STRN3: variants seen among roughly 807,000 people sequenced by gnomAD.
The protein encoded by STRN3 is striatin-3.
STRN3 carries 29 observed loss-of-function variants against 95.6 expected under a neutral mutation model. The ratio of observed to expected loss-of-function variants is 0.30; its 90% CI spans 0.23 to 0.41. The LOEUF is 0.41. STRN3 is among the 10% of genes least tolerant of loss of function. The pLI is 1.00. For missense variants in STRN3, 890 were observed against 972.1 expected, an observed-to-expected ratio of 0.92 and a Z score of 1.12; for synonymous variants, 331 against 357.6, an observed-to-expected ratio of 0.93 and a Z score of 0.84.
intron 16 of STRN3, 103 bp from the exon 17 acceptor site, chr14:30,895,851 C>T: frequency 1.0e-6 from 1 of 968,144 alleles, no homozygotes; most frequent in Admixed American, 2.9e-5. Flanking sequence ...ATTATAGCAA[C>T]TTTTTTATTG....
At chr14:31,014,617 C>A (rs1282304175) in intron 1 of STRN3, 13 of 435,798 alleles carry the variant, frequency 3.0e-5, no homozygotes, top group Non-Finnish European at 5.5e-5. Context: ...TGCTTTAATT[C>A]TAGTCTTTTA....
chr14:30,962,589 A>C (rs2139166266), intron 1 of STRN3, among the ~76,000 whole-genome samples: 1 of 152,328 alleles, frequency 6.6e-6, no homozygotes, highest in African/African-American at 2.4e-5. Flanking sequence ...GCCACAGTGC[A>C]GTGGCACGAT....
At chr14:31,019,328 T>C (rs546258848) in intron 1 of STRN3, among the ~76,000 whole-genome samples, 13 of 152,094 alleles carry the variant, frequency 8.5e-5, no homozygotes, top group Non-Finnish European at 4.4e-5. Flanking sequence ...AATAAAATAA[T>C]AGAAAATAAT....
intron 6 of STRN3, 109 bp from the exon 7 acceptor site, chr14:30,935,413 CA>C: frequency 3.9e-6 from 5 of 1,273,248 alleles, no homozygotes; most frequent in Non-Finnish European, 2.1e-6. Context: ...TTACTTGGAT[CA>C]AAAATTTTAG....
intron 1 of STRN3, among the ~76,000 whole-genome samples, chr14:30,956,538 T>C (rs1045510764): frequency 2.6e-5 from 4 of 152,134 alleles, no homozygotes; most frequent in African/African-American, 9.7e-5. Flanking sequence ...CCCATAGTCC[T>C]AGCTACTCGA....
At chr14:31,007,270 G>A (rs1882761838) in intron 1 of STRN3, among the ~76,000 whole-genome samples, 1 of 152,150 alleles carries the variant, frequency 6.6e-6, no homozygotes, top group African/African-American at 2.4e-5. Context: ...GCAAGAGAAT[G>A]GATATCTCTA....
At chr14:30,907,963 A>G (rs1352036112) in intron 13 of STRN3, among the ~76,000 whole-genome samples, 1 of 152,182 alleles carries the variant, frequency 6.6e-6, no homozygotes, top group Non-Finnish European at 1.5e-5. Context: ...ACTATGCCTC[A>G]TATTTCACTG....
intron 1 of STRN3, among the ~76,000 whole-genome samples, chr14:30,984,585 C>A (rs1457696532): frequency 6.6e-6 from 1 of 151,842 alleles, no homozygotes; most frequent in Non-Finnish European, 1.5e-5. Flanking sequence ...CGAGAACATC[C>A]TGGCCAACAG....
chr14:30,901,871 A>G (rs531697735), intron 16 of STRN3, among the ~76,000 whole-genome samples: 1 of 152,152 alleles, frequency 6.6e-6, no homozygotes, highest in South Asian at 2.1e-4. Context: ...ACATAGTTGT[A>G]AGAACATATT....
intron 1 of STRN3, among the ~76,000 whole-genome samples, chr14:30,996,016 C>G (rs1437399652): frequency 6.6e-6 from 1 of 152,188 alleles, no homozygotes; most frequent in African/African-American, 2.4e-5. Flanking sequence ...AGGGCTATCC[C>G]AGCTGCAGAG....
At chr14:30,940,990 C>G (rs1004136130) in intron 5 of STRN3, among the ~76,000 whole-genome samples, 3 of 152,032 alleles carry the variant, frequency 2.0e-5, no homozygotes, top group Non-Finnish European at 4.4e-5. Context: ...GGGACAGAGT[C>G]CTCATGAATA....
chr14:30,923,998 AGATT>A (rs1053756472), intron 8 of STRN3, among the ~76,000 whole-genome samples: 36 of 151,986 alleles, frequency 2.4e-4, no homozygotes, highest in Non-Finnish European at 1.5e-5. Context: ...TTTTTACAAA[AGATT>A]AATTCAAGCT....
At position 30,956,238 on chromosome 14, in the gene STRN3, C is replaced by A. The variant is rs200133118; in HGVS notation, c.287G>T (p.Arg96Leu). 6.2e-7 allele frequency: 1 copy of A among 1,612,896 alleles called. No homozygotes were observed. The highest frequency in any genetic ancestry group is 1.3e-5 in the African/African-American group (1 of 74,928). ...WEVERAELQA[R>L]IAFLQGERKG... Reference sequence around the variant, plus strand: ...TCTTTCGCCTTGTAGAAATGCAATCCGGGCCTAAAAATATAAAAGATGCAT... The same window carrying A: ...TCTTTCGCCTTGTAGAAATGCAATCAGGGCCTAAAAATATAAAAGATGCAT... The change falls in exon 2 of 18, where the codon CGG becomes CTG. Residue 96 changes from arginine (R) to leucine (L), a missense_variant. By Grantham distance (102) the Arg-to-Leu change is moderately radical. Around this residue, in one of 3 missense-constraint regions of STRN3, gnomAD observed 526 missense variants for 526.3 expected, o/e 1.00. Transcript: ENST00000357479.
chr14:30,971,057 G>A (rs1411965200), intron 1 of STRN3, among the ~76,000 whole-genome samples: 1 of 152,242 alleles, frequency 6.6e-6, no homozygotes, highest in African/African-American at 2.4e-5. Context: ...CCAACACTAA[G>A]TTCACTTTGT....
chr14:30,921,091 C>T (rs1431701977), intron 8 of STRN3, among the ~76,000 whole-genome samples: 3 of 151,728 alleles, frequency 2.0e-5, no homozygotes, highest in Non-Finnish European at 2.9e-5. Context: ...CACACACACA[C>T]ACACACACAC....
chr14:31,017,603 C>T (rs2139343464), intron 1 of STRN3, among the ~76,000 whole-genome samples: 2 of 152,112 alleles, frequency 1.3e-5, no homozygotes, highest in African/African-American at 4.8e-5. Flanking sequence ...GATTTTGTAT[C>T]CTGGAGGAGA....
At chr14:31,003,291 G>C (rs1395556661) in intron 1 of STRN3, among the ~76,000 whole-genome samples, 1 of 149,534 alleles carries the variant, frequency 6.7e-6, no homozygotes. Flanking sequence ...GAAAAAGAAA[G>C]AGAAAGTGGT....
chr14:30,905,570 C>G lies in STRN3; in HGVS notation c.1889-12G>C, dbSNP rs760273378. Reference sequence around the variant, plus strand: ...AGGTATTCCATGCTCTGAAATGAGCCCAAAGACAGACAATGTAAACAAAGT... The same window carrying G: ...AGGTATTCCATGCTCTGAAATGAGCGCAAAGACAGACAATGTAAACAAAGT... On this transcript the variant is annotated splice_polypyrimidine_tract_variant and intron_variant, in intron 14 of 17. Transcript: ENST00000357479. The G allele has an allele frequency of 1.4e-5, 22 of 1,585,612 alleles. No individual in the cohort carries two copies. Among genetic ancestry groups the G allele is most frequent in the Non-Finnish European group, 1.8e-5 (21 of 1,170,980 alleles).
chr14:30,905,565 T>C lies in STRN3; in HGVS notation c.1889-7A>G. On this transcript the variant is annotated splice_polypyrimidine_tract_variant and splice_region_variant and intron_variant, in intron 14 of 17. Coordinates refer to ENST00000357479, the MANE Select transcript of STRN3 (RefSeq NM_001083893.2). ...GATGTAGGTATTCCATGCTCTGAAA[T>C]GAGCCCAAAGACAGACAATGTAAAC... The C allele has an allele frequency of 6.3e-7, 1 of 1,596,084 alleles. No individual in the cohort carries two copies.
Sources: allele counts gnomAD v4.1 joint callset (sites outside exome capture counted in the v4.1 genomes callset), GRCh38; gene constraint gnomAD v4.1.1; regional missense constraint gnomAD v4.1.1; transcripts MANE v1.5; gene names NCBI Gene and HGNC (gene_info 2026-07-23, HGNC 2026-07-21).